Variants in SGCZ observed in about 807,000 individuals in gnomAD.
SGCZ encodes the protein sarcoglycan zeta.
SGCZ carries 40 observed loss-of-function variants against 41.3 expected under a neutral mutation model. The observed-to-expected ratio is 0.97, with a 90% confidence interval of 0.75 to 1.26. SGCZ has a LOEUF of 1.26. SGCZ is among the 50% of genes most tolerant of loss of function. The probability of loss-of-function intolerance (pLI) is 0.00; values close to 1 mark genes in which losing one functional copy is unlikely to be tolerated. For synonymous variants in SGCZ, 206 were observed against 137.5 expected, an observed-to-expected ratio of 1.50 and a Z score of -3.49; for missense variants, 552 against 369.8, an observed-to-expected ratio of 1.49 and a Z score of -4.04.
chr8:14,929,162 T>G (rs1191467847), intron 1 of SGCZ, among the ~76,000 whole-genome samples: 2 of 152,018 alleles, frequency 1.3e-5, no homozygotes, highest in African/African-American at 4.8e-5. Context: ...CAGCTAATTT[T>G]TGTAGTTTTT....
At chr8:15,062,763 G>C (rs1333976430) in intron 1 of SGCZ, among the ~76,000 whole-genome samples, 1 of 152,132 alleles carries the variant, frequency 6.6e-6, no homozygotes, top group African/African-American at 2.4e-5. Context: ...GAATTATCAA[G>C]ATGGATTTGT....
At chr8:15,157,029 C>A (rs1426013037) in intron 1 of SGCZ, among the ~76,000 whole-genome samples, 1 of 151,690 alleles carries the variant, frequency 6.6e-6, no homozygotes. Flanking sequence ...TTTCTTTTCT[C>A]TGGGAATCTT....
At chr8:14,310,380 T>G (rs1801495247) in intron 3 of SGCZ, among the ~76,000 whole-genome samples, 1 of 152,184 alleles carries the variant, frequency 6.6e-6, no homozygotes, top group Non-Finnish European at 1.5e-5. Context: ...TGCTACAAAT[T>G]TATGCATTTC....
At chr8:14,190,810 G>A (rs1301042642) in intron 4 of SGCZ, among the ~76,000 whole-genome samples, 1 of 151,870 alleles carries the variant, frequency 6.6e-6, no homozygotes, top group Non-Finnish European at 1.5e-5. Context: ...CACTGTGTTA[G>A]CCAGGATGGT....
intron 2 of SGCZ, among the ~76,000 whole-genome samples, chr8:14,352,919 A>G (rs1363195464): frequency 1.3e-5 from 2 of 152,076 alleles, no homozygotes; most frequent in Non-Finnish European, 2.9e-5. Flanking sequence ...CTCTGCATAC[A>G]TATCATTTGA....
At chr8:14,245,028 G>A (rs1004597183) in intron 3 of SGCZ, among the ~76,000 whole-genome samples, 1 of 152,176 alleles carries the variant, frequency 6.6e-6, no homozygotes, top group African/African-American at 2.4e-5. Flanking sequence ...ATACAATCAT[G>A]TCATCTGCAA....
At chr8:14,788,630 G>A (rs918094259) in intron 1 of SGCZ, among the ~76,000 whole-genome samples, 3 of 152,140 alleles carry the variant, frequency 2.0e-5, no homozygotes, top group Non-Finnish European at 4.4e-5. Context: ...ACGTGTATAT[G>A]CATAGTAAAT....
chr8:15,016,656 T>G (rs918076657), intron 1 of SGCZ, among the ~76,000 whole-genome samples: 2 of 152,162 alleles, frequency 1.3e-5, no homozygotes, highest in African/African-American at 4.8e-5. Context: ...CCCAGTACGT[T>G]TGATAATTAT....
chr8:14,206,927 C>T (rs1364779827), intron 4 of SGCZ, among the ~76,000 whole-genome samples: 1 of 152,124 alleles, frequency 6.6e-6, no homozygotes, highest in Non-Finnish European at 1.5e-5. Flanking sequence ...CAACCCACAC[C>T]AAGGCAAGCA....
chr8:14,090,648 AAAG>A lies in SGCZ; in HGVS notation c.745-14_745-12del. 2 of 1,605,336 alleles carry A rather than the reference AAAG, an allele frequency of 1.2e-6. No individual in the cohort carries two copies. Among genetic ancestry groups the A allele is most frequent in the African/African-American group, 1.3e-5 (1 of 74,386 alleles). ...TGCATTTAAAAATATCTATGGGAAA[AAAG>A]AAATTGCATTTTAATTCATTTTAGA... On this transcript the variant is annotated splice_polypyrimidine_tract_variant and intron_variant, in intron 7 of 7. Coordinates refer to ENST00000382080, the MANE Select transcript of SGCZ (RefSeq NM_139167.4).
At chr8:14,801,465 T>C (rs1801319100) in intron 1 of SGCZ, among the ~76,000 whole-genome samples, 1 of 152,184 alleles carries the variant, frequency 6.6e-6, no homozygotes, top group Non-Finnish European at 1.5e-5. Context: ...AACAATAATT[T>C]TCCTATTAAG....
At chr8:15,107,074 G>T (rs1051181718) in intron 1 of SGCZ, among the ~76,000 whole-genome samples, 2 of 151,902 alleles carry the variant, frequency 1.3e-5, no homozygotes, top group Non-Finnish European at 2.9e-5. Flanking sequence ...TATAATCAGG[G>T]TATATTATTT....
chr8:14,966,747 T>C (rs1446618619), intron 1 of SGCZ, among the ~76,000 whole-genome samples: 1 of 152,136 alleles, frequency 6.6e-6, no homozygotes. Flanking sequence ...TTTCTTTTGT[T>C]TTAAACAAAT....
chr8:14,261,613 G>A (rs982114640), intron 3 of SGCZ, among the ~76,000 whole-genome samples: 1 of 152,142 alleles, frequency 6.6e-6, no homozygotes. Context: ...CTAAGTGGAT[G>A]TTTATAGTTA....
At chr8:14,255,202 C>T (rs891624027) in intron 3 of SGCZ, among the ~76,000 whole-genome samples, 1 of 152,122 alleles carries the variant, frequency 6.6e-6, no homozygotes, top group African/African-American at 2.4e-5. Context: ...TCACCCACTG[C>T]CATACTCCCA....
chr8:14,586,770 A>G (rs1004197099), intron 1 of SGCZ, among the ~76,000 whole-genome samples: 1 of 152,166 alleles, frequency 6.6e-6, no homozygotes, highest in Non-Finnish European at 1.5e-5. Context: ...CTACGTTTTA[A>G]GCATTATGCA....
chr8:14,513,903 A>G (rs10046658), intron 2 of SGCZ, among the ~76,000 whole-genome samples: 16,267 of 152,074 alleles, frequency 0.11, 1,724 homozygotes, highest in African/African-American at 0.28. Context: ...GAACTAAACA[A>G]CATTGCTTAT....
intron 1 of SGCZ, among the ~76,000 whole-genome samples, chr8:14,949,860 T>A (rs191170251): frequency 1.1e-3 from 171 of 152,204 alleles, no homozygotes; most frequent in Non-Finnish European, 1.6e-3. Context: ...ACAAAAATCG[T>A]TTCATCCAAA....
chr8:14,658,591 A>T (rs1270578435), intron 1 of SGCZ, among the ~76,000 whole-genome samples: 2 of 152,110 alleles, frequency 1.3e-5, no homozygotes, highest in Non-Finnish European at 2.9e-5. Context: ...TCTTACTTAG[A>T]TTATACCAGA....
Sources: allele counts gnomAD v4.1 joint callset (sites outside exome capture counted in the v4.1 genomes callset), GRCh38; gene constraint gnomAD v4.1.1; transcripts MANE v1.5; gene names NCBI Gene and HGNC (gene_info 2026-07-23, HGNC 2026-07-21).